GLG1: variants seen among roughly 807,000 people sequenced by gnomAD.
GLG1 encodes the protein golgi glycoprotein 1, also known as Golgi apparatus protein 1.
In GLG1, 38 loss-of-function variants were observed where a neutral mutation model predicts 160.5. That is an observed-to-expected ratio of 0.24 (90% CI 0.18 to 0.31). The LOEUF is 0.31. GLG1 is among the 10% of genes least tolerant of loss of function. The pLI, the probability that GLG1 is intolerant of heterozygous loss-of-function variation, is 1.00. For missense variants in GLG1, 1,373 were observed against 1,505.2 expected (o/e 0.91, Z 1.45); for synonymous variants, 644 against 543.4 (o/e 1.19, Z -2.57).
At chr16:74,541,814 C>T (rs2017875176) in intron 1 of GLG1, among the ~76,000 whole-genome samples, 2 of 151,690 alleles carry the variant, frequency 1.3e-5, no homozygotes, top group Admixed American at 6.6e-5. Context: ...TGAAAGGATA[C>T]CTAAAAAGGC....
At chr16:74,599,534 C>T (rs911295773) in intron 1 of GLG1, among the ~76,000 whole-genome samples, 9 of 152,174 alleles carry the variant, frequency 5.9e-5, no homozygotes, top group Admixed American at 5.9e-4. Flanking sequence ...GCCTGGCCAA[C>T]ATGGTGAAAA....
chr16:74,517,174 A>C (rs1418528459), intron 2 of GLG1, among the ~76,000 whole-genome samples: 1 of 152,246 alleles, frequency 6.6e-6, no homozygotes. Flanking sequence ...ATCAATAGAA[A>C]AAGAGAGAAT....
At chr16:74,487,186 G>A (rs576525600) in intron 8 of GLG1, among the ~76,000 whole-genome samples, 3 of 152,236 alleles carry the variant, frequency 2.0e-5, no homozygotes, top group Middle Eastern at 3.4e-3. Flanking sequence ...GATTACAGGC[G>A]TAAGCCACCA....
At chr16:74,593,420 A>C (rs1458531911) in intron 1 of GLG1, among the ~76,000 whole-genome samples, 1 of 148,674 alleles carries the variant, frequency 6.7e-6, no homozygotes, top group Non-Finnish European at 1.5e-5. Flanking sequence ...TTACAAGTGA[A>C]GTACCAGAGC....
chr16:74,514,405 C>A (rs1232661155), intron 2 of GLG1, among the ~76,000 whole-genome samples: 2 of 152,148 alleles, frequency 1.3e-5, no homozygotes, highest in African/African-American at 2.4e-5. Flanking sequence ...GTCGGGTTAC[C>A]CACAAAGGGA....
At chr16:74,581,492 G>A (rs1459629477) in intron 1 of GLG1, among the ~76,000 whole-genome samples, 2 of 149,174 alleles carry the variant, frequency 1.3e-5, no homozygotes, top group African/African-American at 5.0e-5. Context: ...CTCTGGAATG[G>A]GAAGTTGTTA....
At chr16:74,578,559 G>A (rs964377400) in intron 1 of GLG1, among the ~76,000 whole-genome samples, 2 of 152,198 alleles carry the variant, frequency 1.3e-5, no homozygotes. Flanking sequence ...TGAAATTGCA[G>A]AGAACTAAGA....
At chr16:74,528,079 G>A (rs1472130301) in intron 2 of GLG1, among the ~76,000 whole-genome samples, 1 of 151,800 alleles carries the variant, frequency 6.6e-6, no homozygotes, top group Non-Finnish European at 1.5e-5. Flanking sequence ...TAGAGATGGG[G>A]TTTCACCGTG....
intron 3 of GLG1, among the ~76,000 whole-genome samples, chr16:74,507,317 T>A (rs1046257084): frequency 5.3e-5 from 8 of 152,170 alleles, no homozygotes; most frequent in African/African-American, 1.9e-4. Context: ...CTAGTGAATA[T>A]GTACATACTC....
chr16:74,601,810 C>G (rs1958446020), intron 1 of GLG1, among the ~76,000 whole-genome samples: 1 of 152,166 alleles, frequency 6.6e-6, no homozygotes, highest in Non-Finnish European at 1.5e-5. Context: ...ATGGCATTCT[C>G]AACAGTCACA....
At chr16:74,459,590 T>C (rs2014702593) in intron 23 of GLG1, 92 bp downstream of exon 23, 1 of 707,364 alleles carries the variant, frequency 1.4e-6, no homozygotes, top group Non-Finnish European at 2.5e-6. Flanking sequence ...TTTTTGGTTT[T>C]ATTACCAAGG....
At chr16:74,483,985 T>C (rs181037677) in intron 9 of GLG1, among the ~76,000 whole-genome samples, 415 of 151,992 alleles carry the variant, frequency 2.7e-3, no homozygotes, top group East Asian at 6.0e-3. Flanking sequence ...TCTTTTTTTT[T>C]CACAAGTTTG....
At chr16:74,506,634 C>A (rs959787459) in intron 3 of GLG1, among the ~76,000 whole-genome samples, 4 of 130,120 alleles carry the variant, frequency 3.1e-5, no homozygotes, top group African/African-American at 1.1e-4. Context: ...ACATTTTGAA[C>A]TGTAGCCTCA....
intron 11 of GLG1, among the ~76,000 whole-genome samples, chr16:74,477,745 G>A (rs1390045309): frequency 3.9e-5 from 6 of 151,986 alleles, no homozygotes; most frequent in East Asian, 1.9e-4. Flanking sequence ...AGGTCGAGGC[G>A]GGCGGATCAC....
intron 25 of GLG1, among the ~76,000 whole-genome samples, chr16:74,456,094 C>G (rs1214339729): frequency 1.3e-5 from 2 of 152,182 alleles, no homozygotes; most frequent in Non-Finnish European, 2.9e-5. Flanking sequence ...ATGTATTTTT[C>G]TCCTAAAGAC....
At chr16:74,492,475 A>G (rs1451570991) in intron 7 of GLG1, among the ~76,000 whole-genome samples, 3 of 151,498 alleles carry the variant, frequency 2.0e-5, no homozygotes, top group Admixed American at 2.0e-4. Flanking sequence ...TGAGGGCAGG[A>G]GTTTTGAGAC....
At chr16:74,527,320 G>A (rs2017371258) in intron 2 of GLG1, among the ~76,000 whole-genome samples, 1 of 143,414 alleles carries the variant, frequency 7.0e-6, no homozygotes, top group Non-Finnish European at 1.5e-5. Flanking sequence ...CGCTATCTCG[G>A]CTCACTGCAA....
chr16:74,547,165 G>C (rs2018071742), intron 1 of GLG1, among the ~76,000 whole-genome samples: 1 of 151,524 alleles, frequency 6.6e-6, no homozygotes, highest in African/African-American at 2.4e-5. Flanking sequence ...CTCCAAGGGG[G>C]ATGTAGAGGT....
chr16:74,505,062 G>A (rs2016546009), intron 3 of GLG1, among the ~76,000 whole-genome samples: 1 of 152,190 alleles, frequency 6.6e-6, no homozygotes. Context: ...ACAAGAAACA[G>A]TGCTTTATTT....
Sources: gnomAD v4.1 joint callset for allele counts (sites outside exome capture counted in the v4.1 genomes callset) on GRCh38, gnomAD v4.1.1 for gene constraint, MANE v1.5 for transcripts, NCBI Gene and HGNC (gene_info 2026-07-23, HGNC 2026-07-21) for gene names.